Variants in PRR11 observed in about 807,000 individuals in gnomAD.
PRR11 encodes proline rich 11.
In PRR11, 30 loss-of-function variants were observed where a neutral mutation model predicts 45.6. The observed-to-expected ratio is 0.66, with a 90% CI of 0.49 to 0.89. The LOEUF (loss-of-function observed/expected upper bound fraction) is 0.89, where lower values mean the gene tolerates loss of function less well. Ranked by LOEUF, PRR11 falls within the 40% of genes least tolerant of loss-of-function variation. The pLI is 0.00. For synonymous variants in PRR11, 128 were observed against 153.5 expected, an observed-to-expected ratio of 0.83 and a Z score of 1.23; for missense variants, 373 against 424.8, an observed-to-expected ratio of 0.88 and a Z score of 1.07.
At chr17:59,183,016 C>T (rs2036240907) in intron 2 of PRR11, among the ~76,000 whole-genome samples, 1 of 152,196 alleles carries the variant, frequency 6.6e-6, no homozygotes, top group Admixed American at 6.5e-5. Context: ...CAGTTGTCCA[C>T]TTGAGCTCCC....
chr17:59,158,736 G>A (rs951615859), intron 1 of PRR11, among the ~76,000 whole-genome samples: 1 of 152,118 alleles, frequency 6.6e-6, no homozygotes, highest in Admixed American at 6.6e-5. Flanking sequence ...AGACAAAAAT[G>A]AAAAAAGTGA....
At chr17:59,178,985 A>G (rs1449768267) in intron 2 of PRR11, among the ~76,000 whole-genome samples, 4 of 151,962 alleles carry the variant, frequency 2.6e-5, no homozygotes, top group African/African-American at 9.7e-5. Context: ...TTGATTTTTT[A>G]TTGTGATTTA....
At chr17:59,186,501 C>A (rs1265737413) in intron 4 of PRR11, among the ~76,000 whole-genome samples, 1 of 144,686 alleles carries the variant, frequency 6.9e-6, no homozygotes, top group Non-Finnish European at 1.5e-5. Flanking sequence ...CTCAAGGGAT[C>A]CTCCTGCCTC....
At chr17:59,181,615 C>T (rs1229403711) in intron 2 of PRR11, 144 of 1,441,776 alleles carry the variant, frequency 1.0e-4, no homozygotes, top group Non-Finnish European at 1.3e-4. Context: ...CTCCGCCACC[C>T]AGGTCTCCTC....
rs2046905712 is a variant in PRR11, at chr17:59,203,986, T to A, written c.*2355T>A. On this transcript the variant is annotated 3_prime_UTR_variant, in exon 10 of 10. Transcript: ENST00000262293. ...TGAGAATAAAGCAGTTGAGTATTTA[T>A]AACAATAATATTTTATGGGGCGCTT... The A allele has an allele frequency of 6.6e-6, 1 of 152,106 alleles. No homozygotes were observed. The highest frequency in any genetic ancestry group is 1.5e-5 in the Non-Finnish European group (1 of 68,024). The allele number at this position is 152,106 out of a possible 1,614,324, so 9.4% of individuals were successfully genotyped here.
Position 59,193,505 on chromosome 17 carries a change from G to C in PRR11, c.416G>C (p.Ser139Thr). 1 of 1,614,118 alleles carries C rather than the reference G, an allele frequency of 6.2e-7. No homozygotes were observed. The change falls in exon 5 of 10, where the codon AGT (serine) becomes ACT (threonine). Residue 139 changes from serine (S) to threonine (T), a missense_variant. By Grantham distance (58) the Ser-to-Thr change is moderately conservative. Coordinates refer to ENST00000262293, the MANE Select transcript of PRR11 (RefSeq NM_018304.4). ...GTCTTCTTCCAGACCATCTCAGAAA[G>C]TTCTTCCTGTCCAAGCTGTGGTCAA... ...LQEALKTISE[S>T]SSCPSCGQTC...
chr17:59,180,888 A>G (rs1367600093), intron 2 of PRR11, among the ~76,000 whole-genome samples: 2 of 151,444 alleles, frequency 1.3e-5, no homozygotes, highest in African/African-American at 2.4e-5. Flanking sequence ...TGCAGCCTCA[A>G]AGTCCTGAGT....
chr17:59,175,028 A>G (rs1717048808), intron 2 of PRR11: 18 of 657,166 alleles, frequency 2.7e-5, no homozygotes, highest in South Asian at 1.9e-4. Flanking sequence ...ACCGAAGTTT[A>G]TGGAACAAGG....
At chr17:59,198,648 T>C (rs1048851296) in intron 9 of PRR11, among the ~76,000 whole-genome samples, 2 of 151,450 alleles carry the variant, frequency 1.3e-5, no homozygotes, top group South Asian at 4.2e-4. Flanking sequence ...AACTCCAGCC[T>C]GGGTGACAGA....
At chr17:59,162,661 T>A (rs1341172959) in intron 1 of PRR11, among the ~76,000 whole-genome samples, 1 of 152,054 alleles carries the variant, frequency 6.6e-6, no homozygotes, top group Non-Finnish European at 1.5e-5. Context: ...ATTTCATGAT[T>A]TTTTTTTCAA....
At chr17:59,191,466 G>C (rs1267066682) in intron 4 of PRR11, among the ~76,000 whole-genome samples, 1 of 151,970 alleles carries the variant, frequency 6.6e-6, no homozygotes, top group Non-Finnish European at 1.5e-5. Context: ...TAATCCACCT[G>C]CCTCAGCCTC....
chr17:59,179,321 G>T (rs2046767634), intron 2 of PRR11, among the ~76,000 whole-genome samples: 3 of 152,202 alleles, frequency 2.0e-5, no homozygotes, highest in South Asian at 4.2e-4. Context: ...ACCCCGGCTG[G>T]AGTGCAGTGG....
intron 2 of PRR11, among the ~76,000 whole-genome samples, chr17:59,177,870 T>C (rs1381276090): frequency 2.0e-5 from 3 of 152,090 alleles, no homozygotes; most frequent in African/African-American, 7.2e-5. Flanking sequence ...TCGAGCATGA[T>C]GGCATGTGCC....
rs148588708 is a variant in PRR11, at chr17:59,181,499, G to A, written c.129-3555G>A. 1,413 of 1,129,504 alleles carry A rather than the reference G, an allele frequency of 1.3e-3. 49 individuals are homozygous for A. The African/African-American group carries it at 0.019, about 15-fold the overall frequency. 70.0% of individuals were successfully genotyped at this position (1,129,504 alleles called of 1,614,324 possible). On this transcript the variant is annotated intron_variant, in intron 2 of 9. Transcript: ENST00000262293. ...AACAGGATTGGAGGTGCTCTCTGGG[G>A]TGTCCTCCTACCAAGCAGCCTGTTG...
chr17:59,195,670 T>A (rs1309895460), intron 7 of PRR11, among the ~76,000 whole-genome samples: 1 of 152,224 alleles, frequency 6.6e-6, no homozygotes. Context: ...CATACTGCTG[T>A]TTATCATTCT....
Position 59,195,424 on chromosome 17 carries a change from C to A in PRR11, c.838C>A (p.Arg280=), listed in dbSNP as rs747534784. ...LKPNSKVLST[R]VTNVLITPGK... is the part of the protein sequence containing the mutation. ...ACCTAACTCCAAAGTGTTATCGACT[C>A]GAGTTACAAACGTCTTAATGTAAGG... Residue 280 remains arginine, a synonymous_variant, in exon 7 of 10, where the codon CGA becomes AGA. Transcript: ENST00000262293. 1.2e-6 allele frequency: 2 copies of A among 1,609,034 alleles called. No individual in the cohort carries two copies. Among genetic ancestry groups the A allele is most frequent in the East Asian group, 4.5e-5 (2 of 44,854 alleles).
rs373339237 is a variant in PRR11, at chr17:59,168,097, G to A, written c.-5-1651G>A. Among the ~76,000 whole-genome samples the A allele has an allele frequency of 9.2e-5, 14 of 151,854 alleles. No individual in the cohort carries two copies. In the East Asian group the frequency reaches 2.7e-3, roughly 29 times the overall value. ...TCCTCCCCACCTTTCCCAGTATCCT[G>A]GGAAAGATACTATCCCTCTAGTATC... On this transcript the variant is annotated intron_variant, in intron 1 of 9. Coordinates refer to ENST00000262293, the MANE Select transcript of PRR11 (RefSeq NM_018304.4).
intron 2 of PRR11, among the ~76,000 whole-genome samples, chr17:59,182,326 C>A (rs1257362117): frequency 6.6e-6 from 1 of 150,806 alleles, no homozygotes; most frequent in Non-Finnish European, 1.5e-5. Context: ...CTGCACCTGG[C>A]CTGAATTTCT....
rs572009685 is a variant in PRR11, at chr17:59,206,535, T to C, written c.*4904T>C. Among the ~76,000 whole-genome samples, 2 of 152,330 alleles carry C rather than the reference T, an allele frequency of 1.3e-5. No homozygotes were observed. Among genetic ancestry groups the C allele is most frequent in the South Asian group, 2.1e-4 (1 of 4,830 alleles). On this transcript the variant is annotated 3_prime_UTR_variant, in exon 10 of 10. Coordinates refer to ENST00000262293, the MANE Select transcript of PRR11 (RefSeq NM_018304.4). ...ACTGATTTTTATGACAGATTTTATA[T>C]TGTAACCATTTGAGAACTCTGTAAG...
Sources: allele counts gnomAD v4.1 joint callset (sites outside exome capture counted in the v4.1 genomes callset), GRCh38; gene constraint gnomAD v4.1.1; transcripts MANE v1.5; gene names NCBI Gene and HGNC (gene_info 2026-07-23, HGNC 2026-07-21).